The following LIFR variants were observed in gnomAD, a reference collection of about 807,000 sequenced individuals.
LIFR encodes the protein LIF receptor subunit alpha, also known as leukemia inhibitory factor receptor.
In LIFR, 84 loss-of-function variants were observed where a neutral mutation model predicts 122.2. The ratio of observed to expected loss-of-function variants is 0.69; its 90% CI spans 0.58 to 0.82. The LOEUF is 0.82. LIFR is among the 40% of genes least tolerant of loss of function. The pLI, the probability that LIFR is intolerant of heterozygous loss-of-function variation, is 0.00. For synonymous variants in LIFR, 422 were observed against 434.7 expected (o/e 0.97, Z 0.36); for missense variants, 1,294 against 1,311.6 (o/e 0.99, Z 0.21).
chr5:38,488,784 T>C (rs970000840), intron 16 of LIFR, among the ~76,000 whole-genome samples: 2 of 152,240 alleles, frequency 1.3e-5, no homozygotes, highest in South Asian at 4.1e-4. Flanking sequence ...TGAGATGCCT[T>C]GTTATGGATT....
intron 1 of LIFR, among the ~76,000 whole-genome samples, chr5:38,543,364 A>G (rs750056906): frequency 3.9e-5 from 6 of 152,212 alleles, no homozygotes; most frequent in Non-Finnish European, 8.8e-5. Flanking sequence ...TATCCAAAGT[A>G]TTGTGGCTCG....
Position 38,550,280 on chromosome 5 carries a change from T to C in LIFR, c.-20+6054A>G, listed in dbSNP as rs533757077. ...CCATAAATTTTTAAAATAGCTGAGC[T>C]ATTGATAAAGCACAACTGAAAAAAA... On this transcript the variant is annotated intron_variant, in intron 1 of 19. Transcript: ENST00000453190. 5.3e-6 allele frequency: 5 copies of C among 948,186 alleles called. No individual in the cohort carries two copies. In the East Asian group the frequency reaches 4.6e-4, roughly 88 times the overall value. The allele number at this position is 948,186 out of a possible 1,614,324, so 58.7% of individuals were successfully genotyped here.
Position 38,567,500 on chromosome 5 carries a change from T to TTATTTATTTATTTATG in LIFR, c.-20+27760_-20+27761insCATAAATAAATAAATA, listed in dbSNP as rs1206402076. On this transcript the variant is annotated intron_variant, in intron 1 of 19. Coordinates refer to the LIFR transcript ENST00000263409. ...TTGAAGGAATATGACCATTCTGTAT[T>TTATTTATTTATTTATG]TATTTATTTATTTATTTATTTATTT... Among the ~76,000 whole-genome samples the TTATTTATTTATTTATG allele has an allele frequency of 2.9e-3, 408 of 138,834 alleles. 3 individuals carry two copies. The highest frequency in any genetic ancestry group is 4.2e-3 in the Non-Finnish European group (273 of 65,252). The allele number at this position is 138,834 out of a possible 152,430, so 91.1% of individuals were successfully genotyped here.
At chr5:38,506,670 T>C (rs370116380) in intron 7 of LIFR, 38 bp from the exon 8 acceptor site, 2 of 1,560,918 alleles carry the variant, frequency 1.3e-6, no homozygotes, top group African/African-American at 2.7e-5. Context: ...TGATTACATA[T>C]ATTTTCCCTG....
In LIFR at chr5:38,479,449, AT is replaced by A. The variant is rs1015154265; in HGVS notation, c.*2145del. On this transcript the variant is annotated 3_prime_UTR_variant, in exon 20 of 20. Coordinates refer to ENST00000453190, the MANE Select transcript of LIFR (RefSeq NM_001127671.2). ...GTGATATTCATCATTAACCAAACAA[AT>A]GAGTCGTTATATAGGTTAGAAAGGG... The A allele has an allele frequency of 8.7e-6, 2 of 230,182 alleles. No homozygotes were observed. The highest frequency in any genetic ancestry group is 2.2e-5 in the African/African-American group (1 of 45,236). 14.3% of individuals were successfully genotyped at this position (230,182 alleles called of 1,614,324 possible). A position where few individuals can be genotyped will look rare whatever the true frequency, so the allele number is the denominator to read the frequency against.
chr5:38,506,105 T>C (rs747020247), intron 8 of LIFR, 31 bp from the exon 9 acceptor site: 1 of 1,453,894 alleles, frequency 6.9e-7, no homozygotes, highest in Admixed American at 1.7e-5. Context: ...AATTTCAAAA[T>C]GGCAAGAGAT....
intron 9 of LIFR, 133 bp from the exon 10 acceptor site, chr5:38,504,254 T>C (rs1745334158): frequency 1.5e-5 from 10 of 647,952 alleles, no homozygotes; most frequent in Non-Finnish European, 2.5e-5. Context: ...TACCCAGTAT[T>C]TGTGGAATTG....
chr5:38,506,395 T>C, intron 8 of LIFR, 108 bp downstream of exon 8: 1 of 1,357,906 alleles, frequency 7.4e-7, no homozygotes, highest in African/African-American at 1.4e-5. Flanking sequence ...ATATTTGGTT[T>C]TATATCTTGT....
chr5:38,604,960 G>C (rs188547432), intron 2 of LIFR, among the ~76,000 whole-genome samples: 1 of 152,210 alleles, frequency 6.6e-6, no homozygotes, highest in Admixed American at 6.5e-5. Flanking sequence ...ACTGGTGATT[G>C]GTTGAAAGAG....
chr5:38,478,390 TCTAAG>T lies in LIFR; in HGVS notation c.*3200_*3204del, dbSNP rs572899325. On this transcript the variant is annotated 3_prime_UTR_variant, in exon 20 of 20. Transcript: ENST00000453190. Reference sequence around the variant, plus strand: ...TTCTCAGTGAATGGCTGCTTCTGTTTCTAAGCTGCAGGAACAAAGCACCTCTATCA... The same window carrying T: ...TTCTCAGTGAATGGCTGCTTCTGTTTCTGCAGGAACAAAGCACCTCTATCA... The T allele has an allele frequency of 6.2e-5, 13 of 209,234 alleles. No individual in the cohort carries two copies. In the East Asian group the frequency reaches 9.3e-4, roughly 15 times the overall value. The allele number at this position is 209,234 out of a possible 1,614,324, so 13.0% of individuals were successfully genotyped here.
intron 5 of LIFR, among the ~76,000 whole-genome samples, chr5:38,517,643 G>A (rs1746156939): frequency 6.6e-6 from 1 of 151,720 alleles, no homozygotes. Flanking sequence ...AGATTACAAG[G>A]TCAAGAGATC....
At chr5:38,597,570 T>C (rs1318149843), upstream of LIFR, among the ~76,000 whole-genome samples, 1 of 152,162 alleles carries the variant, frequency 6.6e-6, no homozygotes, top group African/African-American at 2.4e-5. Flanking sequence ...TTTTTGGTTG[T>C]CACAACTGGG....
In LIFR at chr5:38,482,534, G is replaced by T; in HGVS notation, c.2670+55C>A. On this transcript the variant is annotated intron_variant, in intron 19 of 19. Transcript: ENST00000453190. ...TGCATGTTAAAAACTTTTCACAAAA[G>T]ATTAAAAAAAGAAGCCAGCACATCA... The T allele has an allele frequency of 3.1e-6, 3 of 956,156 alleles. No homozygotes were observed. The South Asian group carries it at 4.8e-5, about 15-fold the overall frequency. 59.2% of individuals were successfully genotyped at this position (956,156 alleles called of 1,614,324 possible).
At chr5:38,489,389 T>C (rs1200601367) in intron 15 of LIFR, 144 bp from the exon 16 acceptor site, 1 of 735,648 alleles carries the variant, frequency 1.4e-6, no homozygotes, top group African/African-American at 1.8e-5. Flanking sequence ...AGAGAGATGA[T>C]CACAAACGCT....
At chr5:38,573,361 GATA>G (rs1250757713) in intron 1 of LIFR, among the ~76,000 whole-genome samples, 1 of 152,150 alleles carries the variant, frequency 6.6e-6, no homozygotes, top group Non-Finnish European at 1.5e-5. Context: ...TAAAGCAGGG[GATA>G]ATAATGAATC....
chr5:38,585,762 A>G (rs993447355), intron 1 of LIFR, among the ~76,000 whole-genome samples: 7 of 152,046 alleles, frequency 4.6e-5, no homozygotes, highest in African/African-American at 1.4e-4. Flanking sequence ...GTCAGCTCAT[A>G]TGGCTATCTA....
At chr5:38,572,124 T>C (rs1379247925) in intron 1 of LIFR, among the ~76,000 whole-genome samples, 2 of 152,196 alleles carry the variant, frequency 1.3e-5, no homozygotes, top group Admixed American at 6.5e-5. Flanking sequence ...CACATTACTA[T>C]AAAGAAATAC....
chr5:38,528,849 G>GACACAC lies in LIFR; in HGVS notation c.143-15_143-10dup, dbSNP rs10637374. ...CAAATCATGAGGAGCCCCTGGAGGAGACACACACACACACACACACACACA... is the reference window on the plus strand; with the variant it reads ...CAAATCATGAGGAGCCCCTGGAGGAGACACACACACACACACACACACACACACACA... On this transcript the variant is annotated splice_polypyrimidine_tract_variant and intron_variant, in intron 2 of 19. Coordinates refer to ENST00000453190, the MANE Select transcript of LIFR (RefSeq NM_001127671.2). 258 of 921,632 alleles carry GACACAC rather than the reference G, an allele frequency of 2.8e-4. No homozygotes were observed. Among genetic ancestry groups the GACACAC allele is most frequent in the East Asian group, 2.0e-3 (74 of 36,954 alleles). 57.1% of individuals were successfully genotyped at this position (921,632 alleles called of 1,614,324 possible).
chr5:38,572,776 G>A (rs551105430), intron 1 of LIFR, among the ~76,000 whole-genome samples: 24 of 152,292 alleles, frequency 1.6e-4, no homozygotes, highest in African/African-American at 5.3e-4. Context: ...CAAGCACTTT[G>A]TGCAGCCTTT....
Sources: gnomAD v4.1 joint callset for allele counts (sites outside exome capture counted in the v4.1 genomes callset) on GRCh38, gnomAD v4.1.1 for gene constraint, MANE v1.5 for transcripts, NCBI Gene and HGNC (gene_info 2026-07-23, HGNC 2026-07-21) for gene names.